Variants in LAMA3 observed in about 807,000 individuals in gnomAD.
LAMA3 encodes laminin subunit alpha 3.
A neutral mutation model predicts 402.0 loss-of-function variants in LAMA3; 281 were observed. The ratio of observed to expected loss-of-function variants is 0.70; its 90% CI spans 0.63 to 0.77. The LOEUF (loss-of-function observed/expected upper bound fraction) is 0.77, where lower values mean the gene tolerates loss of function less well. Among genes scored for constraint, LAMA3 ranks in the 30% least tolerant of loss-of-function variants. LAMA3 has a pLI of 0.00. For missense variants in LAMA3, 3,840 were observed against 4,215.5 expected (o/e 0.91, Z 2.47); for synonymous variants, 1,431 against 1,558.4 (o/e 0.92, Z 1.93).
chr18:23,922,375 A>G (rs548623786), intron 62 of LAMA3, among the ~76,000 whole-genome samples: 6 of 152,308 alleles, frequency 3.9e-5, no homozygotes, highest in African/African-American at 1.2e-4. Context: ...CATCAGTTGG[A>G]AGGAACTAGA....
chr18:23,903,201 G>A, intron 49 of LAMA3, 76 bp downstream of exon 49: 1 of 920,620 alleles, frequency 1.1e-6, no homozygotes, highest in Non-Finnish European at 1.8e-6. Context: ...GAAATGGGCT[G>A]ACCTACTTTT....
At chr18:23,766,990 G>C (rs1286579958) in intron 8 of LAMA3, among the ~76,000 whole-genome samples, 3 of 152,132 alleles carry the variant, frequency 2.0e-5, no homozygotes, top group Non-Finnish European at 4.4e-5. Context: ...CTTCCAGAAG[G>C]CTTCTGGAAC....
rs777093802 is a variant in LAMA3, at chr18:23,758,451, A to G, written c.1003A>G (p.Thr335Ala). The change falls in exon 7 of 75, where the codon ACA becomes GCA. Residue 335 changes from threonine to alanine, a missense_variant. Around this residue, in one of 3 missense-constraint regions of LAMA3, gnomAD observed 2,109 missense variants for 2,376.0 expected, o/e 0.89. Transcript: ENST00000313654. ...TGGGGAGACGTGTGATCGCTGCTGC[A>G]CAGGGTACAATCAGAGGCGCTGGCG... is the stretch of plus-strand genomic sequence containing the variant. Reference protein sequence around the residue: ...TCGETCDRCCTGYNQRRWRPA... With the variant: ...TCGETCDRCCAGYNQRRWRPA... 1.2e-6 allele frequency: 2 copies of G among 1,614,196 alleles called. No individual in the cohort carries two copies. Among genetic ancestry groups the G allele is most frequent in the South Asian group, 2.2e-5 (2 of 91,078 alleles).
Position 23,928,734 on chromosome 18 carries a change from C to A in LAMA3, c.8405C>A (p.Pro2802His). The A allele has an allele frequency of 6.2e-7, 1 of 1,613,928 alleles. No individual in the cohort carries two copies. The highest frequency in any genetic ancestry group is 1.6e-4 in the Middle Eastern group (1 of 6,062). Residue 2802 changes from proline to histidine, a missense_variant, in exon 64 of 75, where the codon CCC becomes CAC. Transcript: ENST00000313654. ...TCATTTGGATTTCAGACCTTTCAAC[C>A]CAGTGGCATATTATTAGATCATCAG... ...QASFGFQTFQPSGILLDHQTW... is the reference protein window; with the variant it reads ...QASFGFQTFQHSGILLDHQTW...
At chr18:23,931,358 T>G (rs898332603) in intron 65 of LAMA3, 157 bp downstream of exon 65, 4 of 682,440 alleles carry the variant, frequency 5.9e-6, no homozygotes, top group African/African-American at 1.8e-5. Flanking sequence ...TATCAATTTC[T>G]TCATAAAAAA....
chr18:23,772,538 C>T (rs564008375), intron 8 of LAMA3, among the ~76,000 whole-genome samples: 1 of 152,314 alleles, frequency 6.6e-6, no homozygotes, highest in Non-Finnish European at 1.5e-5. Context: ...ATGTAAATTT[C>T]AAGTCACAGA....
At chr18:23,750,432 GTTTTTTTTTTTT>G (rs66582854) in intron 4 of LAMA3, among the ~76,000 whole-genome samples, 3 of 33,008 alleles carry the variant, frequency 9.1e-5, no homozygotes, top group African/African-American at 2.5e-4. Flanking sequence ...GGTTTACACA[GTTTTTTTTTTTT>G]TTTTTTTTTT....
intron 15 of LAMA3, 137 bp downstream of exon 15, chr18:23,814,639 T>C (rs2063141352): frequency 1.5e-6 from 1 of 658,164 alleles, no homozygotes; most frequent in Non-Finnish European, 2.7e-6. Flanking sequence ...TTCTGATGTT[T>C]TCCCCCCACT....
intron 1 of LAMA3, among the ~76,000 whole-genome samples, chr18:23,713,075 A>C (rs543081553): frequency 6.6e-6 from 1 of 152,298 alleles, no homozygotes; most frequent in East Asian, 1.9e-4. Context: ...GCCTAGTAAG[A>C]AAGAGTAATT....
At chr18:23,812,076 T>A (rs4258702) in intron 13 of LAMA3, among the ~76,000 whole-genome samples, 3 of 151,794 alleles carry the variant, frequency 2.0e-5, no homozygotes, top group African/African-American at 7.3e-5. Context: ...GGTTTCACCA[T>A]GTCAGCCAGG....
rs763594249 is a variant in LAMA3 at position 23,837,078 on chromosome 18, C to G, written c.3082C>G (p.Arg1028Gly). ...CATTCAGCTCAAGGGACACATGGCC[C>G]GATTCCTTCTGGTATGCTTCTGTTT... ...ADIQLKGHMA[R>G]FLLHQVCIIP... The change falls in exon 25 of 75, where the codon CGA (arginine) becomes GGA (glycine). Residue 1028 changes from arginine to glycine, a missense_variant. Transcript: ENST00000313654. 5 of 1,606,854 alleles carry G rather than the reference C, an allele frequency of 3.1e-6. No individual in the cohort carries two copies. The highest frequency in any genetic ancestry group is 4.3e-6 in the Non-Finnish European group (5 of 1,173,864).
At chr18:23,845,218 C>T (rs1314027043) in intron 30 of LAMA3, 94 bp downstream of exon 30, 11 of 761,644 alleles carry the variant, frequency 1.4e-5, no homozygotes, top group South Asian at 8.6e-5. Context: ...CCCATGGATC[C>T]GTCCTCTTCC....
rs775963284 is a variant in LAMA3, at chr18:23,943,927, A to T, written c.9166A>T (p.Arg3056Trp). 1.4e-5 allele frequency: 22 copies of T among 1,614,140 alleles called. No homozygotes were observed. Among genetic ancestry groups the T allele is most frequent in the Non-Finnish European group, 1.8e-5 (21 of 1,179,976 alleles). The change falls in exon 69 of 75, where the codon AGG (arginine) becomes TGG (tryptophan). Residue 3056 changes from arginine to tryptophan, a missense_variant. Arg to Trp is a moderately radical substitution (Grantham distance 101). This residue lies in a region of LAMA3 where 840 missense variants were observed against 981.9 expected (regional missense o/e 0.86). Coordinates refer to ENST00000313654, the MANE Select transcript of LAMA3 (RefSeq NM_198129.4). ...FALGTDGKKL[R>W]IKSKEKCNDG... ...ACTGGGGACAGATGGGAAAAAATTG[A>T]GGATCAAAAGCAAGGAGAAATGCAA... is the stretch of plus-strand genomic sequence containing the variant.
At chr18:23,922,731 T>C (rs546655251) in intron 62 of LAMA3, among the ~76,000 whole-genome samples, 1 of 152,374 alleles carries the variant, frequency 6.6e-6, no homozygotes, top group East Asian at 1.9e-4. Flanking sequence ...GTCAGTAAGA[T>C]TGATTTTATT....
chr18:23,948,474 A>G (rs1422010004), intron 70 of LAMA3, among the ~76,000 whole-genome samples: 2 of 152,170 alleles, frequency 1.3e-5, no homozygotes, highest in African/African-American at 4.8e-5. Context: ...TAGCATGACA[A>G]ATCTTAAGAA....
chr18:23,724,314 C>T (rs943492125), intron 2 of LAMA3, among the ~76,000 whole-genome samples: 6 of 152,070 alleles, frequency 3.9e-5, no homozygotes, highest in African/African-American at 1.4e-4. Context: ...TCAATAAAGC[C>T]ATTTTCTCTT....
chr18:23,827,601 TG>T, intron 23 of LAMA3, 134 bp downstream of exon 23: 1 of 999,728 alleles, frequency 1.0e-6, no homozygotes, highest in Non-Finnish European at 1.5e-6. Context: ...TATCAACATT[TG>T]CTGAACTATC....
At chr18:23,811,514 C>T (rs924729470) in intron 13 of LAMA3, among the ~76,000 whole-genome samples, 3 of 152,134 alleles carry the variant, frequency 2.0e-5, no homozygotes, top group Non-Finnish European at 1.5e-5. Context: ...GATGCGAGGG[C>T]ATCCTGCATG....
intron 7 of LAMA3, among the ~76,000 whole-genome samples, chr18:23,762,553 C>T (rs2061990443): frequency 6.6e-6 from 1 of 151,320 alleles, no homozygotes; most frequent in African/African-American, 2.4e-5. Context: ...CGTGCCACTG[C>T]ACTCCAGCCT....
Sources: gnomAD v4.1 joint callset for allele counts (sites outside exome capture counted in the v4.1 genomes callset) on GRCh38, gnomAD v4.1.1 for gene constraint, gnomAD v4.1.1 regional missense constraint, MANE v1.5 for transcripts, NCBI Gene and HGNC (gene_info 2026-07-23, HGNC 2026-07-21) for gene names.